CCNF: variants seen among roughly 807,000 people sequenced by gnomAD.
The protein encoded by CCNF is cyclin-F.
In CCNF, 30 loss-of-function variants were observed where a neutral mutation model predicts 85.4. That is an observed-to-expected ratio of 0.35 (90% CI 0.26 to 0.48). CCNF has a LOEUF of 0.48. Ranked by LOEUF, CCNF falls within the 20% of genes least tolerant of loss-of-function variation. The probability of loss-of-function intolerance (pLI) is 0.99; values close to 1 mark genes in which losing one functional copy is unlikely to be tolerated. For missense variants in CCNF, 919 were observed against 1,010.4 expected, an observed-to-expected ratio of 0.91 and a Z score of 1.23; for synonymous variants, 439 against 425.1, an observed-to-expected ratio of 1.03 and a Z score of -0.40.
In CCNF at chr16:2,451,451, CACAG is replaced by C. The variant is rs561027143; in HGVS notation, c.1487+1539_1487+1542del. On this transcript the variant is annotated intron_variant, in intron 13 of 16. Coordinates refer to ENST00000397066, the MANE Select transcript of CCNF (RefSeq NM_001761.3). This position sits in a 1 kb window ranked among gnomAD's most constrained non-coding sequence, Gnocchi z 4.3. ...TCCGTCTCCCCTCCTCAGCTGTGCT[CACAG>C]ACTTGCTCCTCCCACCTCTCGGCAC... Among the ~76,000 whole-genome samples, 260 of 152,300 alleles carry C rather than the reference CACAG, an allele frequency of 1.7e-3. No homozygotes were observed. The highest frequency in any genetic ancestry group is 2.7e-3 in the Non-Finnish European group (186 of 68,022).
intron 13 of CCNF, among the ~76,000 whole-genome samples, chr16:2,450,336 T>TAAAAAAA (rs869044588): frequency 1.5e-5 from 1 of 65,904 alleles, no homozygotes; most frequent in Non-Finnish European, 2.6e-5. Flanking sequence ...CTGTCTCTAC[T>TAAAAAAA]AAAAAAAAAA....
intron 3 of CCNF, among the ~76,000 whole-genome samples, chr16:2,433,878 T>G (rs1196950808): frequency 6.6e-6 from 1 of 152,198 alleles, no homozygotes; most frequent in Non-Finnish European, 1.5e-5. Flanking sequence ...TCCATCTGAG[T>G]TGCCAGAAAT....
intron 13 of CCNF, 27 bp downstream of exon 13, chr16:2,449,942 C>G (rs139582105): frequency 6.6e-7 from 1 of 1,522,490 alleles, no homozygotes; most frequent in Non-Finnish European, 9.1e-7. Context: ...CGCAGAGGCT[C>G]ATGCCTGTAA....
rs1567392698 is a variant in CCNF at position 2,456,924 on chromosome 16, C to G, written c.2265C>G (p.Pro755=). 1.9e-6 allele frequency: 3 copies of G among 1,614,130 alleles called. No homozygotes were observed. The highest frequency in any genetic ancestry group is 2.5e-6 in the Non-Finnish European group (3 of 1,180,026). Residue 755 remains proline, a synonymous_variant, in exon 17 of 17, where the codon CCC becomes CCG. Transcript: ENST00000397066. The surrounding 1 kb of genome is among the most constrained non-coding windows in gnomAD (Gnocchi z 4.5). ...GTTTACAGTGTCGTCCCCCAAGTCC[C>G]CCGGAGAGCAGTGTTCCCCAGCAAC... ...KSCLQCRPPS[P]PESSVPQQQV... is the part of the protein sequence containing the mutation.
At chr16:2,431,418 C>A (rs2065261836) in intron 2 of CCNF, 134 bp downstream of exon 2, 4 of 910,072 alleles carry the variant, frequency 4.4e-6, no homozygotes, top group Non-Finnish European at 6.6e-6. Context: ...GTGGCTCATG[C>A]CTTAATCCTA....
chr16:2,450,707 G>A (rs2065390101), intron 13 of CCNF, among the ~76,000 whole-genome samples: 2 of 152,160 alleles, frequency 1.3e-5, no homozygotes, highest in Non-Finnish European at 2.9e-5. Flanking sequence ...TGGCCCTCAG[G>A]CGGCATCTGG....
chr16:2,432,272 G>A (rs188683684), intron 2 of CCNF, among the ~76,000 whole-genome samples: 6 of 152,266 alleles, frequency 3.9e-5, no homozygotes, highest in African/African-American at 1.2e-4. Context: ...TCTAGATATT[G>A]GAACCATAGG....
intron 4 of CCNF, chr16:2,436,080 G>A (rs1048447648): frequency 2.2e-6 from 1 of 459,228 alleles, no homozygotes; most frequent in African/African-American, 2.0e-5. Context: ...GGTTACGAAA[G>A]TCGCCTCTTG....
At chr16:2,441,424 A>G (rs1215564832) in intron 8 of CCNF, among the ~76,000 whole-genome samples, 1 of 152,032 alleles carries the variant, frequency 6.6e-6, no homozygotes, top group Non-Finnish European at 1.5e-5. Flanking sequence ...AAGAAATGCA[A>G]CAACGTAGTT....
In CCNF at chr16:2,452,115, C is replaced by T. The variant is rs559781420; in HGVS notation, c.1488-1095C>T. On this transcript the variant is annotated intron_variant, in intron 13 of 16. Transcript: ENST00000397066. The surrounding 1 kb of genome is among the most constrained non-coding windows in gnomAD (Gnocchi z 4.1). Reference sequence around the variant, plus strand: ...ACTGGAGCTATCCGTGGCGGCTGCCCGGCCTCCTGGAACACTGTGGCAGCC... The same window carrying T: ...ACTGGAGCTATCCGTGGCGGCTGCCTGGCCTCCTGGAACACTGTGGCAGCC... 1.3e-5 allele frequency among the ~76,000 whole-genome samples: 2 copies of T among 152,340 alleles called. No homozygotes were observed. The highest frequency in any genetic ancestry group is 2.4e-5 in the African/African-American group (1 of 41,588).
At position 2,456,491 on chromosome 16, in the gene CCNF, C is replaced by G. The variant is rs2065428270; in HGVS notation, c.1886-54C>G. On this transcript the variant is annotated intron_variant, in intron 16 of 16. Transcript: ENST00000397066. This position sits in a 1 kb window ranked among gnomAD's most constrained non-coding sequence, Gnocchi z 4.5. ...TCAGGGTCCTGACCTGGCAGGGGGT[C>G]TCCCCTGATGCTTGGGTGTGACATG... The G allele has an allele frequency of 1.6e-6, 2 of 1,285,116 alleles. No individual in the cohort carries two copies. The highest frequency in any genetic ancestry group is 2.5e-5 in the Admixed American group (1 of 39,562). 79.6% of individuals were successfully genotyped at this position (1,285,116 alleles called of 1,614,324 possible). A position where few individuals can be genotyped will look rare whatever the true frequency, so the allele number is the denominator to read the frequency against.
chr16:2,449,204 C>G (rs760005983), intron 11 of CCNF, 78 bp from the exon 12 acceptor site: 32 of 1,544,234 alleles, frequency 2.1e-5, no homozygotes, highest in Non-Finnish European at 2.2e-5. Context: ...GGGCCAGACC[C>G]TGCGCTGGGC....
Position 2,438,139 on chromosome 16 carries a change from CT to C in CCNF, c.594+17del. ...TCTGTTCGAGGTGAGTCAAGTTGTTCTCTGCACTGGGACTTTGTGTTCGATA... is the reference window on the plus strand; with the variant it reads ...TCTGTTCGAGGTGAGTCAAGTTGTTCCTGCACTGGGACTTTGTGTTCGATA... On this transcript the variant is annotated intron_variant, in intron 6 of 16. Transcript: ENST00000397066. 1 of 1,578,532 alleles carries C rather than the reference CT, an allele frequency of 6.3e-7. No homozygotes were observed. Among genetic ancestry groups the C allele is most frequent in the Non-Finnish European group, 8.7e-7 (1 of 1,147,598 alleles).
rs1042150895 is a variant in CCNF at position 2,438,015 on chromosome 16, G to A, written c.541-55G>A. On this transcript the variant is annotated intron_variant, in intron 5 of 16. Transcript: ENST00000397066. ...CCCAAAGACAGACAAGGGAGTGGTG[G>A]CCCCCGGGCAGTTCTCTGTGCTGGA... 1.6e-5 allele frequency: 20 copies of A among 1,220,170 alleles called. No individual in the cohort carries two copies. The East Asian group carries it at 4.6e-4, about 28-fold the overall frequency. The allele number at this position is 1,220,170 out of a possible 1,614,324, so 75.6% of individuals were successfully genotyped here.
At chr16:2,443,148 TATA>T (rs1465078921) in intron 8 of CCNF, among the ~76,000 whole-genome samples, 1 of 133,882 alleles carries the variant, frequency 7.5e-6, no homozygotes, top group Non-Finnish European at 1.5e-5. Flanking sequence ...TTATATTGTA[TATA>T]ATATATATTA....
At chr16:2,437,930 A>G in intron 5 of CCNF, 140 bp from the exon 6 acceptor site, 1 of 617,408 alleles carries the variant, frequency 1.6e-6, no homozygotes. Flanking sequence ...AAAGACTGAA[A>G]TCTGGGAGTG....
Position 2,449,285 on chromosome 16 carries a change from C to G in CCNF, c.1222C>G (p.Pro408Ala). 1 of 1,613,670 alleles carries G rather than the reference C, an allele frequency of 6.2e-7. No homozygotes were observed. Among genetic ancestry groups the G allele is most frequent in the Non-Finnish European group, 8.5e-7 (1 of 1,179,756 alleles). ...ACACCCCGTCCCGGCTGTCTAGGTC[C>G]CCACTGTGGTGGATTACAAGGAGGT... ...VSALEGKIRVPTVVDYKEVLL... is the reference protein window; with the variant it reads ...VSALEGKIRVATVVDYKEVLL... Residue 408 changes from proline (P) to alanine (A), a missense_variant, in exon 12 of 17, where the codon CCC becomes GCC. Coordinates refer to ENST00000397066, the MANE Select transcript of CCNF (RefSeq NM_001761.3).
chr16:2,445,893 A>C (rs2065359939), intron 10 of CCNF, among the ~76,000 whole-genome samples: 1 of 151,892 alleles, frequency 6.6e-6, no homozygotes, highest in Admixed American at 6.6e-5. Context: ...ATGCCCGACT[A>C]ATTTTTTTGT....
chr16:2,429,563 C>G, intron 1 of CCNF, 66 bp downstream of exon 1: 4 of 1,213,718 alleles, frequency 3.3e-6, no homozygotes, highest in Admixed American at 4.3e-5. Flanking sequence ...GCGGGGCGGA[C>G]GGTGGGTCCC....
Sources: allele counts gnomAD v4.1 joint callset (sites outside exome capture counted in the v4.1 genomes callset), GRCh38; gene constraint gnomAD v4.1.1; non-coding constraint Gnocchi (gnomAD v3.1); transcripts MANE v1.5; gene names NCBI Gene and HGNC (gene_info 2026-07-23, HGNC 2026-07-21).